The following C11orf96 variants were observed in gnomAD, a reference collection of about 807,000 sequenced individuals.
C11orf96 encodes uncharacterized protein C11orf96.
C11orf96 carries 6 observed loss-of-function variants against 7.6 expected under a neutral mutation model. That is an observed-to-expected ratio of 0.79 (90% CI 0.43 to 1.55). C11orf96 has a LOEUF of 1.55. Ranked by LOEUF, C11orf96 falls within the 40% of genes most tolerant of loss-of-function variation. C11orf96 has a pLI of 0.01. For missense variants in C11orf96, 150 were observed against 167.3 expected (o/e 0.90, Z 0.57); for synonymous variants, 72 against 79.0 (o/e 0.91, Z 0.47).
In C11orf96 at chr11:43,943,438, C is replaced by T. The variant is rs1433289463; in HGVS notation, c.*165C>T. ...GCCCCGCTGCGAACCGGTCGGTGCG[C>T]CCCTCGCCGCGCTCGCCCTGGCCCG... On this transcript the variant is annotated 3_prime_UTR_variant, in exon 1 of 1. Transcript: ENST00000617612. This position sits in a 1 kb window ranked among gnomAD's most constrained non-coding sequence, Gnocchi z 4.8. The T allele has an allele frequency of 3.5e-6, 5 of 1,438,298 alleles. No individual in the cohort carries two copies. The South Asian group carries it at 6.1e-5, about 18-fold the overall frequency. The allele number at this position is 1,438,298 out of a possible 1,614,324, so 89.1% of individuals were successfully genotyped here. A position where few individuals can be genotyped will look rare whatever the true frequency, so the allele number is the denominator to read the frequency against.
Position 43,943,841 on chromosome 11 carries a change from T to C in C11orf96, c.*568T>C. ...TTTTACCTGGATATGTCTGTGAGGCTCCTGAAAGGAGACAAATAAAGTCAA... is the reference window on the plus strand; with the variant it reads ...TTTTACCTGGATATGTCTGTGAGGCCCCTGAAAGGAGACAAATAAAGTCAA... On this transcript the variant is annotated 3_prime_UTR_variant, in exon 1 of 1. Coordinates refer to ENST00000617612, the MANE Select transcript of C11orf96 (RefSeq NM_001145033.2). This position sits in a 1 kb window ranked among gnomAD's most constrained non-coding sequence, Gnocchi z 4.8. The C allele has an allele frequency of 1.6e-6, 2 of 1,289,686 alleles. No homozygotes were observed. Among genetic ancestry groups the C allele is most frequent in the Non-Finnish European group, 2.0e-6 (2 of 981,406 alleles). The allele number at this position is 1,289,686 out of a possible 1,614,324, so 79.9% of individuals were successfully genotyped here. A position where few individuals can be genotyped will look rare whatever the true frequency, so the allele number is the denominator to read the frequency against.
Position 43,943,372 on chromosome 11 carries a change from C to T in C11orf96, c.*99C>T. On this transcript the variant is annotated 3_prime_UTR_variant, in exon 1 of 1. Coordinates refer to ENST00000617612, the MANE Select transcript of C11orf96 (RefSeq NM_001145033.2). This position sits in a 1 kb window ranked among gnomAD's most constrained non-coding sequence, Gnocchi z 4.8. ...CCGCGCCCTGCTCCCGGGGGACCCG[C>T]AAGGACCCGGGACCGCCGCTCCTCG... 7.2e-7 allele frequency: 1 copy of T among 1,390,178 alleles called. No individual in the cohort carries two copies. The highest frequency in any genetic ancestry group is 9.3e-7 in the Non-Finnish European group (1 of 1,077,342). 86.1% of individuals were successfully genotyped at this position (1,390,178 alleles called of 1,614,324 possible).
At position 43,943,455 on chromosome 11, in the gene C11orf96, C is replaced by T. The variant is rs1952129315; in HGVS notation, c.*182C>T. The T allele has an allele frequency of 7.0e-7, 1 of 1,425,510 alleles. No individual in the cohort carries two copies. Among genetic ancestry groups the T allele is most frequent in the South Asian group, 1.2e-5 (1 of 82,054 alleles). The allele number at this position is 1,425,510 out of a possible 1,614,324, so 88.3% of individuals were successfully genotyped here. Reference sequence around the variant, plus strand: ...TCGGTGCGCCCCTCGCCGCGCTCGCCCTGGCCCGGGAGCGCCGGGAGCGGG... The same window carrying T: ...TCGGTGCGCCCCTCGCCGCGCTCGCTCTGGCCCGGGAGCGCCGGGAGCGGG... On this transcript the variant is annotated 3_prime_UTR_variant, in exon 1 of 1. Coordinates refer to ENST00000617612, the MANE Select transcript of C11orf96 (RefSeq NM_001145033.2). This position sits in a 1 kb window ranked among gnomAD's most constrained non-coding sequence, Gnocchi z 4.8.
In C11orf96 at chr11:43,943,238, A is replaced by T; in HGVS notation, c.334A>T (p.Ser112Cys). Residue 112 changes from serine to cysteine, a missense_variant, in exon 1 of 1, where the codon AGC (serine) becomes TGC (cysteine). This residue lies in a region of C11orf96 where 69 missense variants were observed against 69.1 expected (regional missense o/e 1.00). Transcript: ENST00000617612. This position sits in a 1 kb window ranked among gnomAD's most constrained non-coding sequence, Gnocchi z 4.8. ...EQLSSCKLRN[S>C]LDSSDSDSAL ...GCTCAGCAGCTGCAAACTGAGGAAC[A>T]GCCTGGACTCCAGCGACTCCGACTC... 6.6e-7 allele frequency: 1 copy of T among 1,523,260 alleles called. No homozygotes were observed. The highest frequency in any genetic ancestry group is 1.4e-5 in the African/African-American group (1 of 70,272). 94.4% of individuals were successfully genotyped at this position (1,523,260 alleles called of 1,614,324 possible).
Position 43,942,692 on chromosome 11 carries a change from C to T in C11orf96, c.-213C>T. 5.7e-6 allele frequency: 1 copy of T among 174,670 alleles called. No homozygotes were observed. The highest frequency in any genetic ancestry group is 1.2e-5 in the Non-Finnish European group (1 of 84,988). 10.8% of individuals were successfully genotyped at this position (174,670 alleles called of 1,614,324 possible). ...CGGAGCGCGGCGGAACAGCGCCCCC[C>T]GAGCCCCGTGCCCCCCGACGGGTCC... On this transcript the variant is annotated 5_prime_UTR_variant, in exon 1 of 1. Transcript: ENST00000617612.
Position 43,942,904 on chromosome 11 carries a change from C to T in C11orf96, c.-1C>T, listed in dbSNP as rs1431416850. The T allele has an allele frequency of 7.2e-7, 1 of 1,387,268 alleles. No homozygotes were observed. The highest frequency in any genetic ancestry group is 3.1e-5 in the East Asian group (1 of 32,322). The allele number at this position is 1,387,268 out of a possible 1,614,324, so 85.9% of individuals were successfully genotyped here. On this transcript the variant is annotated 5_prime_UTR_variant, in exon 1 of 1. Transcript: ENST00000617612. ...CCGGCCCCGCAGACGCCGGAGGCGC[C>T]ATGGCCGCCAAGCCCGGCGAGCTGA...
At position 43,943,719 on chromosome 11, in the gene C11orf96, C is replaced by T. The variant is rs1185559164; in HGVS notation, c.*446C>T. 2 of 1,304,298 alleles carry T rather than the reference C, an allele frequency of 1.5e-6. No homozygotes were observed. Among genetic ancestry groups the T allele is most frequent in the Non-Finnish European group, 2.0e-6 (2 of 989,048 alleles). 80.8% of individuals were successfully genotyped at this position (1,304,298 alleles called of 1,614,324 possible). A position where few individuals can be genotyped will look rare whatever the true frequency, so the allele number is the denominator to read the frequency against. On this transcript the variant is annotated 3_prime_UTR_variant, in exon 1 of 1. Coordinates refer to ENST00000617612, the MANE Select transcript of C11orf96 (RefSeq NM_001145033.2). This position sits in a 1 kb window ranked among gnomAD's most constrained non-coding sequence, Gnocchi z 4.8. ...ACACTTTTATAATTGTTAGGCGTGG[C>T]CGTTGGGACTTTGGGCGCAGCGCGG...
chr11:43,943,546 T>G lies in C11orf96; in HGVS notation c.*273T>G, dbSNP rs1952130118. The G allele has an allele frequency of 7.6e-7, 1 of 1,320,382 alleles. No homozygotes were observed. The highest frequency in any genetic ancestry group is 1.0e-6 in the Non-Finnish European group (1 of 1,000,032). 81.8% of individuals were successfully genotyped at this position (1,320,382 alleles called of 1,614,324 possible). A position where few individuals can be genotyped will look rare whatever the true frequency, so the allele number is the denominator to read the frequency against. On this transcript the variant is annotated 3_prime_UTR_variant, in exon 1 of 1. Coordinates refer to ENST00000617612, the MANE Select transcript of C11orf96 (RefSeq NM_001145033.2). This position sits in a 1 kb window ranked among gnomAD's most constrained non-coding sequence, Gnocchi z 4.8. ...TTCCCAGTGCGAACTCTGCTGTGAG[T>G]GTGTGCGGGGAGGCGCGCCCGCGCT... is the stretch of plus-strand genomic sequence containing the variant.
rs1051588917 is a variant in C11orf96, at chr11:43,943,713, G to A, written c.*440G>A. 5 of 1,304,324 alleles carry A rather than the reference G, an allele frequency of 3.8e-6. No individual in the cohort carries two copies. The African/African-American group carries it at 7.6e-5, about 20-fold the overall frequency. The allele number at this position is 1,304,324 out of a possible 1,614,324, so 80.8% of individuals were successfully genotyped here. A position where few individuals can be genotyped will look rare whatever the true frequency, so the allele number is the denominator to read the frequency against. On this transcript the variant is annotated 3_prime_UTR_variant, in exon 1 of 1. Coordinates refer to ENST00000617612, the MANE Select transcript of C11orf96 (RefSeq NM_001145033.2). The surrounding 1 kb of genome is among the most constrained non-coding windows in gnomAD (Gnocchi z 4.8). ...CGCTGAACACTTTTATAATTGTTAG[G>A]CGTGGCCGTTGGGACTTTGGGCGCA...
rs779585892 is a variant in C11orf96 at position 43,943,114 on chromosome 11, G to T, written c.210G>T (p.Gly70=). Residue 70 remains glycine (G), a synonymous_variant, in exon 1 of 1, where the codon GGG becomes GGT. Coordinates refer to ENST00000617612, the MANE Select transcript of C11orf96 (RefSeq NM_001145033.2). The surrounding 1 kb of genome is among the most constrained non-coding windows in gnomAD (Gnocchi z 4.8). ...AGATCCAGGAGGTGGAGGAGGAGGGGGTGTCCCCCATGGAGGAGGAGAAGG... is the reference window on the plus strand; with the variant it reads ...AGATCCAGGAGGTGGAGGAGGAGGGTGTGTCCCCCATGGAGGAGGAGAAGG... The part of the protein sequence containing the change: ...FDEIQEVEEE[G]VSPMEEEKAK... 24 of 1,498,986 alleles carry T rather than the reference G, an allele frequency of 1.6e-5. 1 individual carries two copies. In the South Asian group the frequency reaches 2.9e-4, roughly 18 times the overall value. The allele number at this position is 1,498,986 out of a possible 1,614,324, so 92.9% of individuals were successfully genotyped here.
Position 43,943,645 on chromosome 11 carries a change from G to C in C11orf96, c.*372G>C. 1 of 1,305,400 alleles carries C rather than the reference G, an allele frequency of 7.7e-7. No homozygotes were observed. The allele number at this position is 1,305,400 out of a possible 1,614,324, so 80.9% of individuals were successfully genotyped here. On this transcript the variant is annotated 3_prime_UTR_variant, in exon 1 of 1. Coordinates refer to ENST00000617612, the MANE Select transcript of C11orf96 (RefSeq NM_001145033.2). This position sits in a 1 kb window ranked among gnomAD's most constrained non-coding sequence, Gnocchi z 4.8. The stretch of plus-strand genomic sequence containing the variant: ...CTCCGATTTTGCACACCGCTCCACC[G>C]TGCCCCCCAGCGCACACCCATTCAC...
In C11orf96 at chr11:43,942,923, G is replaced by C. The variant is rs866824770; in HGVS notation, c.19G>C (p.Glu7Gln). 6 of 1,415,492 alleles carry C rather than the reference G, an allele frequency of 4.2e-6. No individual in the cohort carries two copies. Among genetic ancestry groups the C allele is most frequent in the Admixed American group, 2.9e-5 (1 of 34,708 alleles). The allele number at this position is 1,415,492 out of a possible 1,614,324, so 87.7% of individuals were successfully genotyped here. The change falls in exon 1 of 1, where the codon GAG becomes CAG. Residue 7 changes from glutamate (E) to glutamine (Q), a missense_variant. By Grantham distance (29) the Glu-to-Gln change is conservative. Coordinates refer to ENST00000617612, the MANE Select transcript of C11orf96 (RefSeq NM_001145033.2). ...AGGCGCCATGGCCGCCAAGCCCGGC[G>C]AGCTGATGGGCATCTGCTCCAGTTA... MAAKPG[E>Q]LMGICSSYQA...
In C11orf96 at chr11:43,942,958, G is replaced by T; in HGVS notation, c.54G>T (p.Val18=). The change falls in exon 1 of 1, where the codon GTG becomes GTT. Residue 18 remains valine (V), a synonymous_variant. Coordinates refer to ENST00000617612, the MANE Select transcript of C11orf96 (RefSeq NM_001145033.2). ...GCATCTGCTCCAGTTACCAGGCGGTGATGCCGCACTTCGTGTGCCTGGCCG... is the reference window on the plus strand; with the variant it reads ...GCATCTGCTCCAGTTACCAGGCGGTTATGCCGCACTTCGTGTGCCTGGCCG... The part of the protein sequence containing the change: ...LMGICSSYQA[V]MPHFVCLADE... 1.4e-6 allele frequency: 2 copies of T among 1,480,916 alleles called. No homozygotes were observed. The highest frequency in any genetic ancestry group is 8.9e-7 in the Non-Finnish European group (1 of 1,118,260). 91.7% of individuals were successfully genotyped at this position (1,480,916 alleles called of 1,614,324 possible).
At position 43,943,432 on chromosome 11, in the gene C11orf96, G is replaced by C. The variant is rs1952129107; in HGVS notation, c.*159G>C. ...ACTCCCGCCCCGCTGCGAACCGGTC[G>C]GTGCGCCCCTCGCCGCGCTCGCCCT... On this transcript the variant is annotated 3_prime_UTR_variant, in exon 1 of 1. Transcript: ENST00000617612. This position sits in a 1 kb window ranked among gnomAD's most constrained non-coding sequence, Gnocchi z 4.8. 6.9e-7 allele frequency: 1 copy of C among 1,444,862 alleles called. No homozygotes were observed. Among genetic ancestry groups the C allele is most frequent in the Non-Finnish European group, 9.2e-7 (1 of 1,083,426 alleles). 89.5% of individuals were successfully genotyped at this position (1,444,862 alleles called of 1,614,324 possible). A position where few individuals can be genotyped will look rare whatever the true frequency, so the allele number is the denominator to read the frequency against.
At position 43,942,833 on chromosome 11, in the gene C11orf96, G is replaced by A. The variant is rs1315936612; in HGVS notation, c.-72G>A. ...GCCCCCGGCTGCTGCCTCCCGGGGGGCCCCGGCGCAGCGGCCGCCCTCGGA... is the reference window on the plus strand; with the variant it reads ...GCCCCCGGCTGCTGCCTCCCGGGGGACCCCGGCGCAGCGGCCGCCCTCGGA... On this transcript the variant is annotated 5_prime_UTR_variant, in exon 1 of 1. Transcript: ENST00000617612. 3 of 1,115,782 alleles carry A rather than the reference G, an allele frequency of 2.7e-6. No individual in the cohort carries two copies. The highest frequency in any genetic ancestry group is 3.3e-6 in the Non-Finnish European group (3 of 908,492). The allele number at this position is 1,115,782 out of a possible 1,614,324, so 69.1% of individuals were successfully genotyped here. A position where few individuals can be genotyped will look rare whatever the true frequency, so the allele number is the denominator to read the frequency against.
chr11:43,943,577 G>A lies in C11orf96; in HGVS notation c.*304G>A, dbSNP rs774945097. On this transcript the variant is annotated 3_prime_UTR_variant, in exon 1 of 1. Transcript: ENST00000617612. This position sits in a 1 kb window ranked among gnomAD's most constrained non-coding sequence, Gnocchi z 4.8. ...CGGGGAGGCGCGCCCGCGCTGAGTC[G>A]GCGGCGGGTAGCCACTCCATGCCCT... The A allele has an allele frequency of 6.3e-5, 83 of 1,312,818 alleles. No homozygotes were observed. Among genetic ancestry groups the A allele is most frequent in the Non-Finnish European group, 7.8e-5 (78 of 994,922 alleles). 81.3% of individuals were successfully genotyped at this position (1,312,818 alleles called of 1,614,324 possible). A position where few individuals can be genotyped will look rare whatever the true frequency, so the allele number is the denominator to read the frequency against.
At position 43,942,640 on chromosome 11, in the gene C11orf96, C is replaced by T. The variant is rs1418963356; in HGVS notation, c.-265C>T. ...GCGAGCCTGGCCGCCGCGGGGCAGA[C>T]GGCGACAGCAGCGGCGGCGAGCGCC... is the stretch of plus-strand genomic sequence containing the variant. On this transcript the variant is annotated 5_prime_UTR_variant, in exon 1 of 1. The change creates a new upstream start codon in the 5' untranslated region. Transcript: ENST00000617612. 1 of 277,844 alleles carries T rather than the reference C, an allele frequency of 3.6e-6. No homozygotes were observed. Among genetic ancestry groups the T allele is most frequent in the Non-Finnish European group, 7.2e-6 (1 of 138,844 alleles). The allele number at this position is 277,844 out of a possible 1,614,324, so 17.2% of individuals were successfully genotyped here. A position where few individuals can be genotyped will look rare whatever the true frequency, so the allele number is the denominator to read the frequency against.
In C11orf96 at chr11:43,943,312, C is replaced by T. The variant is rs1333426910; in HGVS notation, c.*39C>T. ...CGGGGGGGACGCGCGCGTCCGCGGT[C>T]CGCGCGGGGACCGGCGTGTGAACCC... On this transcript the variant is annotated 3_prime_UTR_variant, in exon 1 of 1. Coordinates refer to ENST00000617612, the MANE Select transcript of C11orf96 (RefSeq NM_001145033.2). The surrounding 1 kb of genome is among the most constrained non-coding windows in gnomAD (Gnocchi z 4.8). 1 of 1,442,318 alleles carries T rather than the reference C, an allele frequency of 6.9e-7. No homozygotes were observed. The highest frequency in any genetic ancestry group is 3.0e-5 in the East Asian group (1 of 33,550). The allele number at this position is 1,442,318 out of a possible 1,614,324, so 89.3% of individuals were successfully genotyped here. A position where few individuals can be genotyped will look rare whatever the true frequency, so the allele number is the denominator to read the frequency against.
In C11orf96 at chr11:43,943,542, TGA is replaced by T; in HGVS notation, c.*271_*272del. On this transcript the variant is annotated 3_prime_UTR_variant, in exon 1 of 1. Coordinates refer to ENST00000617612, the MANE Select transcript of C11orf96 (RefSeq NM_001145033.2). This position sits in a 1 kb window ranked among gnomAD's most constrained non-coding sequence, Gnocchi z 4.8. The stretch of plus-strand genomic sequence containing the variant: ...ACTCTTCCCAGTGCGAACTCTGCTG[TGA>T]GTGTGTGCGGGGAGGCGCGCCCGCG... 1 of 1,321,988 alleles carries T rather than the reference TGA, an allele frequency of 7.6e-7. No homozygotes were observed. The highest frequency in any genetic ancestry group is 1.2e-5 in the South Asian group (1 of 81,200). 81.9% of individuals were successfully genotyped at this position (1,321,988 alleles called of 1,614,324 possible). A position where few individuals can be genotyped will look rare whatever the true frequency, so the allele number is the denominator to read the frequency against.
Sources: gnomAD v4.1 joint callset for allele counts on GRCh38, gnomAD v4.1.1 for gene constraint, gnomAD v4.1.1 regional missense constraint, Gnocchi (gnomAD v3.1) non-coding constraint, MANE v1.5 for transcripts, NCBI Gene and HGNC (gene_info 2026-07-23, HGNC 2026-07-21) for gene names.